The following SSBP3 variants were observed in gnomAD, a reference collection of about 807,000 sequenced individuals.
The protein encoded by SSBP3 is single stranded DNA binding protein 3.
A neutral mutation model predicts 69.6 loss-of-function variants in SSBP3; 5 were observed. The observed-to-expected ratio is 0.07, with a 90% CI of 0.04 to 0.15. SSBP3 has a LOEUF of 0.15. SSBP3 is among the 10% of genes least tolerant of loss of function. The pLI is 1.00. For synonymous variants in SSBP3, 196 were observed against 193.4 expected, an observed-to-expected ratio of 1.01 and a Z score of -0.11; for missense variants, 312 against 534.0, an observed-to-expected ratio of 0.58 and a Z score of 4.10.
In SSBP3 at chr1:54,240,103, TGCGTGCGCGCGCGC is replaced by T. The variant is rs1644596424; in HGVS notation, c.856+788_856+801del. Among the ~76,000 whole-genome samples, 3 of 22,158 alleles carry T rather than the reference TGCGTGCGCGCGCGC, an allele frequency of 1.4e-4. 1 individual carries two copies. In the Admixed American group the frequency reaches 2.7e-3, roughly 20 times the overall value. 14.5% of individuals were successfully genotyped at this position (22,158 alleles called of 152,430 possible). On this transcript the variant is annotated intron_variant, in intron 13 of 17. Transcript: ENST00000610401. ...GTGTGTGTGTGCGCGCGCGCGCGTG[TGCGTGCGCGCGCGC>T]GCGCAACACATGCCCACGTATGTGC...
intron 4 of SSBP3, among the ~76,000 whole-genome samples, chr1:54,285,151 GT>G (rs1645465232): frequency 6.6e-6 from 1 of 152,180 alleles, no homozygotes; most frequent in Non-Finnish European, 1.5e-5. Context: ...AATTTTGATA[GT>G]TATTGCTGTT....
intron 5 of SSBP3, among the ~76,000 whole-genome samples, chr1:54,263,604 T>C (rs1235670357): frequency 6.6e-6 from 1 of 152,216 alleles, no homozygotes; most frequent in Non-Finnish European, 1.5e-5. Flanking sequence ...TCTGGCCTCA[T>C]CTCACCAGGT....
intron 1 of SSBP3, among the ~76,000 whole-genome samples, chr1:54,411,560 G>A (rs1442729047): frequency 6.6e-6 from 1 of 151,926 alleles, no homozygotes; most frequent in Non-Finnish European, 1.5e-5. Flanking sequence ...AGTCCGCGGC[G>A]GGAGGATCAC....
At chr1:54,298,914 A>G (rs1475289474) in intron 4 of SSBP3, among the ~76,000 whole-genome samples, 2 of 88,928 alleles carry the variant, frequency 2.2e-5, no homozygotes. Flanking sequence ...CAGAGGCTCC[A>G]AAGTAACAAA....
intron 2 of SSBP3, 86 bp downstream of exon 2, chr1:54,404,772 A>G: frequency 1.2e-6 from 1 of 864,794 alleles, no homozygotes; most frequent in African/African-American, 2.0e-5. Flanking sequence ...TGGTGGCCAC[A>G]GTGGCTGCTC....
chr1:54,288,388 T>C (rs941355574), intron 4 of SSBP3, among the ~76,000 whole-genome samples: 3 of 152,124 alleles, frequency 2.0e-5, no homozygotes, highest in Non-Finnish European at 4.4e-5. Flanking sequence ...GCAAGCGACC[T>C]GAAAAGGGCC....
At chr1:54,241,011 G>C (rs756816320) in intron 12 of SSBP3, 52 bp from the exon 13 acceptor site, 1 of 1,561,246 alleles carries the variant, frequency 6.4e-7, no homozygotes. Context: ...AACGAACATG[G>C]GGAGGGGCCG....
At chr1:54,308,211 T>G (rs759602300) in intron 4 of SSBP3, among the ~76,000 whole-genome samples, 30 of 152,192 alleles carry the variant, frequency 2.0e-4, no homozygotes, top group Non-Finnish European at 2.8e-4. Context: ...TCCAGCACTT[T>G]GGGAGGCAGA....
intron 7 of SSBP3, among the ~76,000 whole-genome samples, chr1:54,256,344 G>A (rs981996973): frequency 1.3e-5 from 2 of 152,164 alleles, no homozygotes; most frequent in African/African-American, 4.8e-5. Context: ...TTTCCCTGAT[G>A]TTTCTCGAAA....
rs140245721 is a variant in SSBP3, at chr1:54,309,116, C to T, written c.277-27589G>A. Among the ~76,000 whole-genome samples, 162 of 152,292 alleles carry T rather than the reference C, an allele frequency of 1.1e-3. 3 individuals are homozygous for T. The South Asian group carries it at 0.026, about 24-fold the overall frequency. ...GGTGCATCCCATGCGGACAAGCAAA[C>T]GGAACACACCAATTTCAGGCAGTTT... On this transcript the variant is annotated intron_variant, in intron 4 of 17. Coordinates refer to ENST00000610401, the Ensembl canonical transcript of SSBP3.
intron 4 of SSBP3, among the ~76,000 whole-genome samples, chr1:54,315,506 G>T (rs1361573494): frequency 6.6e-6 from 1 of 150,830 alleles, no homozygotes; most frequent in African/African-American, 2.4e-5. Flanking sequence ...ATTCTTCAAT[G>T]TTTAATAACT....
intron 4 of SSBP3, among the ~76,000 whole-genome samples, chr1:54,334,011 A>T (rs1646465121): frequency 6.6e-6 from 1 of 152,210 alleles, no homozygotes; most frequent in Non-Finnish European, 1.5e-5. Context: ...AGTTCTAATC[A>T]TACCACTGCA....
At chr1:54,401,406 A>G (rs969861674) in intron 4 of SSBP3, among the ~76,000 whole-genome samples, 50 of 151,502 alleles carry the variant, frequency 3.3e-4, no homozygotes, top group Non-Finnish European at 1.3e-4. Context: ...ACACACACCC[A>G]TAATTTGAAA....
chr1:54,304,313 A>C (rs547775412), intron 4 of SSBP3, among the ~76,000 whole-genome samples: 1 of 151,408 alleles, frequency 6.6e-6, no homozygotes, highest in East Asian at 2.0e-4. Flanking sequence ...CCATGAGACA[A>C]CAGTGGCCTG....
chr1:54,250,551 C>T (rs974317348), intron 9 of SSBP3, among the ~76,000 whole-genome samples: 3 of 150,414 alleles, frequency 2.0e-5, no homozygotes, highest in African/African-American at 7.4e-5. Flanking sequence ...TGGGGGGGGG[C>T]ACTACTCCAC....
chr1:54,361,274 G>A (rs11206339), intron 4 of SSBP3, among the ~76,000 whole-genome samples: 14,082 of 152,128 alleles, frequency 0.093, 1,714 homozygotes, highest in African/African-American at 0.28. Context: ...ACAAGATAAC[G>A]TTTTATGAAA....
At chr1:54,265,097 G>A (rs930311049) in intron 5 of SSBP3, among the ~76,000 whole-genome samples, 3 of 152,216 alleles carry the variant, frequency 2.0e-5, no homozygotes, top group African/African-American at 7.2e-5. Flanking sequence ...TGGGGAGAAG[G>A]TCAAGGTGTG....
intron 4 of SSBP3, chr1:54,325,425 CTGAA>C (rs766721682): frequency 6.0e-6 from 1 of 167,160 alleles, no homozygotes; most frequent in Non-Finnish European, 1.5e-5. Flanking sequence ...ACAGACGTGG[CTGAA>C]TGAATGAAGA....
chr1:54,333,665 TACCC>T (rs1646459319), intron 4 of SSBP3, among the ~76,000 whole-genome samples: 1 of 152,206 alleles, frequency 6.6e-6, no homozygotes, highest in Non-Finnish European at 1.5e-5. Flanking sequence ...GCAACTGACT[TACCC>T]TCTCTGTGTC....
Sources: gnomAD v4.1 joint callset for allele counts (sites outside exome capture counted in the v4.1 genomes callset) on GRCh38, gnomAD v4.1.1 for gene constraint, MANE v1.5 for transcripts, NCBI Gene and HGNC (gene_info 2026-07-23, HGNC 2026-07-21) for gene names.